NTRK3: variants seen among roughly 807,000 people sequenced by gnomAD.
The protein encoded by NTRK3 is NT-3 growth factor receptor.
NTRK3 carries 24 observed loss-of-function variants against 91.7 expected under a neutral mutation model. The ratio of observed to expected loss-of-function variants is 0.26; its 90% CI spans 0.19 to 0.37. NTRK3 has a LOEUF of 0.37. Ranked by LOEUF, NTRK3 falls within the 10% of genes least tolerant of loss-of-function variation. NTRK3 has a pLI of 1.00. For synonymous variants in NTRK3, 483 were observed against 404.0 expected (o/e 1.20, Z -2.34); for missense variants, 880 against 1,068.9 (o/e 0.82, Z 2.46).
chr15:88,252,348 T>C (rs1007250524), intron 3 of NTRK3, among the ~76,000 whole-genome samples: 5 of 152,048 alleles, frequency 3.3e-5, no homozygotes, highest in African/African-American at 1.2e-4. Flanking sequence ...CCCCGAATGA[T>C]CCTTCAGCCA....
chr15:88,203,230 C>T (rs1384388409), intron 3 of NTRK3, among the ~76,000 whole-genome samples: 2 of 152,160 alleles, frequency 1.3e-5, no homozygotes, highest in Non-Finnish European at 2.9e-5. Flanking sequence ...GATTACTTCC[C>T]ACATAAATCA....
intron 6 of NTRK3, among the ~76,000 whole-genome samples, chr15:88,139,223 C>T (rs531064370): frequency 2.0e-5 from 3 of 152,310 alleles, no homozygotes; most frequent in East Asian, 3.9e-4. Flanking sequence ...CACCTCCCCT[C>T]TCAATGGGAT....
intron 13 of NTRK3, among the ~76,000 whole-genome samples, chr15:88,113,945 G>T (rs2051740648): frequency 6.6e-6 from 1 of 152,044 alleles, no homozygotes; most frequent in African/African-American, 2.4e-5. Context: ...AATTCCCAGG[G>T]CCTACTATCA....
At chr15:88,172,029 C>T (rs138292975) in intron 5 of NTRK3, among the ~76,000 whole-genome samples, 1 of 152,330 alleles carries the variant, frequency 6.6e-6, no homozygotes, top group African/African-American at 2.4e-5. Context: ...TGCATGAAGT[C>T]GGCCAGAGGC....
intron 3 of NTRK3, among the ~76,000 whole-genome samples, chr15:88,227,922 A>G (rs1047540251): frequency 6.6e-6 from 1 of 151,610 alleles, no homozygotes; most frequent in Non-Finnish European, 1.5e-5. Context: ...CAGGGTTCTC[A>G]CCTTGGCCCT....
intron 13 of NTRK3, among the ~76,000 whole-genome samples, chr15:88,053,882 G>T: frequency 6.6e-6 from 1 of 152,156 alleles, no homozygotes; most frequent in Non-Finnish European, 1.5e-5. Flanking sequence ...ATGTCCTTTG[G>T]CAATTTGCCT....
intron 13 of NTRK3, among the ~76,000 whole-genome samples, chr15:88,092,344 T>G (rs1347505986): frequency 6.6e-6 from 1 of 152,212 alleles, no homozygotes; most frequent in Admixed American, 6.5e-5. Context: ...CAGGCCCTAT[T>G]ATCAGACCTG....
rs75357752 is a variant in NTRK3, at chr15:88,190,414, C to G, written c.249-6115G>C. On this transcript the variant is annotated intron_variant, in intron 3 of 18. Coordinates refer to ENST00000394480, the Ensembl canonical transcript of NTRK3. Reference sequence around the variant, plus strand: ...ATGACCTTACATCAATACGACCAGCCTAATGAGCCTGCCAGGCTGTAGCAC... The same window carrying G: ...ATGACCTTACATCAATACGACCAGCGTAATGAGCCTGCCAGGCTGTAGCAC... Among the ~76,000 whole-genome samples the G allele has an allele frequency of 4.7e-3, 710 of 152,302 alleles. 6 individuals carry two copies. Among genetic ancestry groups the G allele is most frequent in the African/African-American group, 0.016 (652 of 41,554 alleles).
At chr15:88,172,847 A>G (rs1330643651) in intron 5 of NTRK3, among the ~76,000 whole-genome samples, 1 of 152,156 alleles carries the variant, frequency 6.6e-6, no homozygotes, top group Admixed American at 6.5e-5. Context: ...GACAAGAAAA[A>G]GGAAATTCAA....
chr15:87,891,975 T>C (rs1049524945), intron 17 of NTRK3, among the ~76,000 whole-genome samples: 1 of 152,062 alleles, frequency 6.6e-6, no homozygotes, highest in African/African-American at 2.4e-5. Flanking sequence ...CAGGCAAGGA[T>C]AGTTTTGAGG....
chr15:88,067,946 C>A (rs577232200), intron 13 of NTRK3, among the ~76,000 whole-genome samples: 5 of 152,118 alleles, frequency 3.3e-5, no homozygotes, highest in Non-Finnish European at 7.3e-5. Flanking sequence ...TGTTGTTATA[C>A]CTTTTACAGC....
chr15:88,153,400 TC>T (rs1464369193), intron 5 of NTRK3, among the ~76,000 whole-genome samples: 7 of 152,074 alleles, frequency 4.6e-5, no homozygotes, highest in African/African-American at 1.7e-4. Context: ...GTGCCACCAC[TC>T]CCAGCTAATT....
intron 5 of NTRK3, among the ~76,000 whole-genome samples, chr15:88,168,038 C>T (rs926766576): frequency 2.0e-5 from 3 of 152,072 alleles, no homozygotes; most frequent in Non-Finnish European, 4.4e-5. Context: ...ATGACTTGAC[C>T]AAGATCTCGC....
At chr15:88,085,681 T>C (rs2048437037) in intron 13 of NTRK3, among the ~76,000 whole-genome samples, 1 of 152,186 alleles carries the variant, frequency 6.6e-6, no homozygotes, top group South Asian at 2.1e-4. Context: ...GATACATTGC[T>C]TACAATTTCT....
chr15:88,170,050 C>T (rs1294632681), intron 5 of NTRK3, among the ~76,000 whole-genome samples: 1 of 152,158 alleles, frequency 6.6e-6, no homozygotes, highest in African/African-American at 2.4e-5. Flanking sequence ...CTTAATTCAC[C>T]TTTGCACGAA....
intron 13 of NTRK3, among the ~76,000 whole-genome samples, chr15:88,056,200 ATATTTTTT>A (rs1032294977): frequency 1.4e-4 from 14 of 99,954 alleles, no homozygotes; most frequent in African/African-American, 4.4e-4. Context: ...ATATATATAT[ATATTTTTT>A]TTTTAATGTA....
At chr15:87,966,108 A>AAACG (rs5814318) in intron 14 of NTRK3, among the ~76,000 whole-genome samples, 1 of 151,368 alleles carries the variant, frequency 6.6e-6, no homozygotes, top group African/African-American at 2.4e-5. Context: ...ACAAACAAAC[A>AAACG]AAAAACTCCA....
chr15:87,996,708 C>T (rs560772926), intron 14 of NTRK3, among the ~76,000 whole-genome samples: 1 of 152,294 alleles, frequency 6.6e-6, no homozygotes, highest in South Asian at 2.1e-4. Context: ...CTGAGGCAAG[C>T]CACTTGCTAT....
At chr15:87,939,162 C>A (rs536484394) in intron 15 of NTRK3, among the ~76,000 whole-genome samples, 5 of 152,076 alleles carry the variant, frequency 3.3e-5, no homozygotes, top group African/African-American at 1.2e-4. Flanking sequence ...ATAGTCATTG[C>A]AAGCTTGGCA....
Sources: allele counts gnomAD v4.1 joint callset (sites outside exome capture counted in the v4.1 genomes callset), GRCh38; gene constraint gnomAD v4.1.1; transcripts MANE v1.5; gene names NCBI Gene and HGNC (gene_info 2026-07-23, HGNC 2026-07-21).